Variants in MBNL2 observed in about 807,000 individuals in gnomAD.
MBNL2 encodes the protein muscleblind-like protein 2.
MBNL2 carries 17 observed loss-of-function variants against 41.9 expected under a neutral mutation model. The observed-to-expected ratio is 0.41, with a 90% confidence interval of 0.28 to 0.61. The LOEUF is 0.61. MBNL2 is among the 20% of genes least tolerant of loss of function. MBNL2 has a pLI of 0.35. For synonymous variants in MBNL2, 195 were observed against 182.9 expected (o/e 1.07, Z -0.53); for missense variants, 336 against 505.6 (o/e 0.66, Z 3.22).
At chr13:97,162,836 C>T in the MBNL2 span, among the ~76,000 whole-genome samples, 1 of 152,074 alleles carries the variant, frequency 6.6e-6, no homozygotes, top group African/African-American at 2.4e-5. Context: ...TTTTGAATGA[C>T]TAGCTAAAAT....
chr13:97,170,095 A>G, the MBNL2 span, among the ~76,000 whole-genome samples: 330 of 152,334 alleles, frequency 2.2e-3, 1 homozygote, highest in Non-Finnish European at 3.9e-3. Context: ...ACTGCACTTC[A>G]TAGGGTTACA....
At chr13:97,353,771 A>G (rs999260861) in intron 5 of MBNL2, among the ~76,000 whole-genome samples, 1 of 152,220 alleles carries the variant, frequency 6.6e-6, no homozygotes, top group Non-Finnish European at 1.5e-5. Flanking sequence ...CACATACATC[A>G]AAATGGAATG....
the MBNL2 span, among the ~76,000 whole-genome samples, chr13:97,147,761 A>G: frequency 2.0e-5 from 3 of 152,210 alleles, no homozygotes; most frequent in African/African-American, 7.2e-5. Flanking sequence ...CCTGATGTCC[A>G]AGGCTTGTTT....
At chr13:97,184,024 A>G in the MBNL2 span, among the ~76,000 whole-genome samples, 2 of 152,218 alleles carry the variant, frequency 1.3e-5, no homozygotes, top group Non-Finnish European at 2.9e-5. Context: ...TCAGAGATGG[A>G]TATAAAGTAT....
At chr13:97,343,870 A>G (rs141176958) in intron 4 of MBNL2, among the ~76,000 whole-genome samples, 1 of 152,150 alleles carries the variant, frequency 6.6e-6, no homozygotes, top group Non-Finnish European at 1.5e-5. Flanking sequence ...GCAATGGTGC[A>G]ATCTTGGCTC....
At chr13:97,307,574 T>C (rs1407860173) in intron 2 of MBNL2, among the ~76,000 whole-genome samples, 2 of 152,164 alleles carry the variant, frequency 1.3e-5, no homozygotes, top group African/African-American at 2.4e-5. Flanking sequence ...AGAAAAAATA[T>C]TTAGTCCACA....
the MBNL2 span, among the ~76,000 whole-genome samples, chr13:97,161,951 G>A: frequency 6.6e-6 from 1 of 152,210 alleles, no homozygotes; most frequent in Non-Finnish European, 1.5e-5. Context: ...GGAAATACCT[G>A]AGACTGGGTA....
chr13:97,218,327 G>A (rs1041014380), upstream of MBNL2, among the ~76,000 whole-genome samples: 20 of 151,710 alleles, frequency 1.3e-4, no homozygotes, highest in African/African-American at 4.8e-4. Context: ...GGAGAATGGC[G>A]TGAACCCGGG....
At chr13:97,202,551 T>C in the MBNL2 span, among the ~76,000 whole-genome samples, 2 of 152,194 alleles carry the variant, frequency 1.3e-5, no homozygotes, top group Non-Finnish European at 2.9e-5. Context: ...ATGACTGTTA[T>C]TGTCATTGAT....
chr13:97,370,515 C>A (rs1038763429), intron 8 of MBNL2, among the ~76,000 whole-genome samples: 2 of 151,772 alleles, frequency 1.3e-5, no homozygotes, highest in Non-Finnish European at 2.9e-5. Context: ...ACTAAAAATA[C>A]AAAATTAGCC....
the MBNL2 span, among the ~76,000 whole-genome samples, chr13:97,162,048 A>G: frequency 6.6e-6 from 1 of 152,158 alleles, no homozygotes; most frequent in African/African-American, 2.4e-5. Context: ...TCAATCATGG[A>G]GGACAGCAAA....
At chr13:97,168,338 A>T in the MBNL2 span, among the ~76,000 whole-genome samples, 6 of 152,196 alleles carry the variant, frequency 3.9e-5, no homozygotes. Context: ...ATCAAATCTA[A>T]TTAATTCCTA....
intron 7 of MBNL2, chr13:97,357,867 A>G: frequency 1.8e-6 from 1 of 563,046 alleles, no homozygotes; most frequent in Admixed American, 2.9e-5. Flanking sequence ...TTAACCCATG[A>G]GAAACAGCAG....
chr13:97,193,209 C>T, the MBNL2 span, among the ~76,000 whole-genome samples: 6 of 152,294 alleles, frequency 3.9e-5, no homozygotes, highest in Admixed American at 1.3e-4. Flanking sequence ...ACAGCAGTTC[C>T]GCTCTCCCCA....
chr13:97,347,124 G>T, intron 5 of MBNL2, 57 bp downstream of exon 5: 1 of 1,345,496 alleles, frequency 7.4e-7, no homozygotes, highest in Non-Finnish European at 9.8e-7. Flanking sequence ...GGCCGCTCCG[G>T]GCTGGGACTT....
the MBNL2 span, among the ~76,000 whole-genome samples, chr13:97,181,716 G>A: frequency 6.6e-6 from 1 of 152,190 alleles, no homozygotes; most frequent in African/African-American, 2.4e-5. Flanking sequence ...GCACCATTCA[G>A]TAAGAGGACA....
the MBNL2 span, among the ~76,000 whole-genome samples, chr13:97,179,130 C>G: frequency 6.6e-6 from 1 of 152,122 alleles, no homozygotes; most frequent in Non-Finnish European, 1.5e-5. Context: ...CATTTCAAAA[C>G]AAGCAACGCC....
chr13:97,359,202 AC>A (rs2063209369), intron 7 of MBNL2, among the ~76,000 whole-genome samples: 1 of 152,116 alleles, frequency 6.6e-6, no homozygotes, highest in Admixed American at 6.6e-5. Context: ...AGGTAAACTT[AC>A]GTTAATGTCC....
Position 97,334,148 on chromosome 13 carries a change from C to CACACA in MBNL2, c.175-128_175-127insACACA, listed in dbSNP as rs2060676428. On this transcript the variant is annotated intron_variant, in intron 2 of 8. Transcript: ENST00000679496. The surrounding 1 kb of genome is among the most constrained non-coding windows in gnomAD (Gnocchi z 5.3). ...AACACATGAGCATGCGCGCGCACAC[C>CACACA]CACACACACACACACACACACACAC... 5.5e-6 allele frequency: 3 copies of CACACA among 547,330 alleles called. No individual in the cohort carries two copies. Among genetic ancestry groups the CACACA allele is most frequent in the Middle Eastern group, 4.3e-4 (1 of 2,348 alleles). 33.9% of individuals were successfully genotyped at this position (547,330 alleles called of 1,614,324 possible). A position where few individuals can be genotyped will look rare whatever the true frequency, so the allele number is the denominator to read the frequency against.
Sources: allele counts gnomAD v4.1 joint callset (sites outside exome capture counted in the v4.1 genomes callset), GRCh38; gene constraint gnomAD v4.1.1; non-coding constraint Gnocchi (gnomAD v3.1); transcripts MANE v1.5; gene names NCBI Gene and HGNC (gene_info 2026-07-23, HGNC 2026-07-21).